ZFP69: variants seen among roughly 807,000 people sequenced by gnomAD.
The protein encoded by ZFP69 is ZFP69 zinc finger protein.
Under a neutral mutation model 48.9 loss-of-function variants are expected in ZFP69, and 35 were observed. The observed-to-expected ratio is 0.72, with a 90% CI of 0.55 to 0.95. The LOEUF (loss-of-function observed/expected upper bound fraction) is 0.95. Ranked by LOEUF, ZFP69 falls within the 40% of genes least tolerant of loss-of-function variation. ZFP69 has a pLI of 0.00. For synonymous variants in ZFP69, 193 were observed against 216.8 expected, an observed-to-expected ratio of 0.89 and a Z score of 0.96; for missense variants, 557 against 638.4, an observed-to-expected ratio of 0.87 and a Z score of 1.37.
chr1:40,483,147 G>A (rs1011660029), intron 3 of ZFP69, among the ~76,000 whole-genome samples: 26 of 150,488 alleles, frequency 1.7e-4, no homozygotes, highest in African/African-American at 4.9e-4. Context: ...ATGAAGGAAC[G>A]TTCTGAGATG....
Position 40,479,446 on chromosome 1 carries a change from G to T in ZFP69, c.85G>T (p.Ala29Ser), listed in dbSNP as rs762231690. ...ACATCCAAAGAAGGCCGTGGAGGGG[G>T]CGCCCCTGTGGGAGGATGTGACTAA... is the stretch of plus-strand genomic sequence containing the variant. ...LQHPKKAVEG[A>S]PLWEDVTKMF... is the part of the protein sequence containing the mutation. Residue 29 changes from alanine (A) to serine (S), a missense_variant, in exon 2 of 6, where the codon GCG (alanine) becomes TCG (serine). Coordinates refer to ENST00000372706, the MANE Select transcript of ZFP69 (RefSeq NM_001320179.2). 5.0e-6 allele frequency: 8 copies of T among 1,613,978 alleles called. 1 individual carries two copies. In the South Asian group the frequency reaches 7.7e-5, roughly 16 times the overall value.
At chr1:40,491,781 G>A (rs1395106223) in intron 5 of ZFP69, among the ~76,000 whole-genome samples, 1 of 151,326 alleles carries the variant, frequency 6.6e-6, no homozygotes, top group Non-Finnish European at 1.5e-5. Flanking sequence ...GTGTGTGTGT[G>A]TGTGTATATA....
intron 3 of ZFP69, among the ~76,000 whole-genome samples, chr1:40,484,608 T>C (rs1645476510): frequency 1.3e-5 from 2 of 151,378 alleles, no homozygotes; most frequent in South Asian, 4.2e-4. Flanking sequence ...TGAGACAGAG[T>C]CTTGCTCTGT....
chr1:40,480,103 G>T (rs920821082), intron 2 of ZFP69, among the ~76,000 whole-genome samples: 2 of 152,144 alleles, frequency 1.3e-5, no homozygotes, highest in Non-Finnish European at 2.9e-5. Context: ...GTGTCAGGCA[G>T]GGACTTTGGC....
chr1:40,490,157 C>T (rs999295335), intron 5 of ZFP69, among the ~76,000 whole-genome samples: 15 of 151,906 alleles, frequency 9.9e-5, no homozygotes, highest in African/African-American at 3.4e-4. Context: ...TGAGCCACTG[C>T]GCCAGGCTGG....
intron 2 of ZFP69, 94 bp from the exon 3 acceptor site, chr1:40,481,669 T>G (rs1570016241): frequency 1.1e-6 from 1 of 945,246 alleles, no homozygotes; most frequent in Non-Finnish European, 1.6e-6. Flanking sequence ...TGAACCTTTT[T>G]GGGGGAGGAG....
intron 2 of ZFP69, among the ~76,000 whole-genome samples, chr1:40,481,237 C>G (rs2124440929): frequency 7.2e-6 from 1 of 139,640 alleles, no homozygotes; most frequent in South Asian, 2.6e-4. Flanking sequence ...AATGGGGCAT[C>G]TTTAGTCTGA....
In ZFP69 at chr1:40,492,461, A is replaced by G. The variant is rs1436235336; in HGVS notation, c.443-2460A>G. On this transcript the variant is annotated intron_variant, in intron 5 of 5. Coordinates refer to ENST00000372706, the MANE Select transcript of ZFP69 (RefSeq NM_001320179.2). The stretch of plus-strand genomic sequence containing the variant: ...CGTGTTTCTCTCTTTATGTTGTTTT[A>G]TTCTTTTGTTTTTCTGTCCTTACTC... 2.0e-5 allele frequency among the ~76,000 whole-genome samples: 3 copies of G among 151,736 alleles called. No homozygotes were observed. In the East Asian group the frequency reaches 5.8e-4, roughly 29 times the overall value.
chr1:40,489,437 G>C, intron 4 of ZFP69, 92 bp from the exon 5 acceptor site: 1 of 1,252,138 alleles, frequency 8.0e-7, no homozygotes, highest in Non-Finnish European at 1.1e-6. Flanking sequence ...TCCACTTGTG[G>C]AGACCCTGAA....
In ZFP69 at chr1:40,494,255, A is replaced by ATTTTTTTTTTTT. The variant is rs1645598717; in HGVS notation, c.443-666_443-665insTTTTTTTTTTTT. 1.2e-4 allele frequency among the ~76,000 whole-genome samples: 15 copies of ATTTTTTTTTTTT among 123,868 alleles called. 1 individual carries two copies. Among genetic ancestry groups the ATTTTTTTTTTTT allele is most frequent in the African/African-American group, 2.5e-4 (8 of 31,596 alleles). 81.3% of individuals were successfully genotyped at this position (123,868 alleles called of 152,430 possible). A position where few individuals can be genotyped will look rare whatever the true frequency, so the allele number is the denominator to read the frequency against. Reference sequence around the variant, plus strand: ...ATTAGAGCAGGACTAAAAGATTCAAAATTTTTTTTTTTTTTTTTTTTTTTT... The same window carrying ATTTTTTTTTTTT: ...ATTAGAGCAGGACTAAAAGATTCAAATTTTTTTTTTTTATTTTTTTTTTTTTTTTTTTTTTTT... On this transcript the variant is annotated intron_variant, in intron 5 of 5. Coordinates refer to ENST00000372706, the MANE Select transcript of ZFP69 (RefSeq NM_001320179.2).
At chr1:40,484,031 C>T (rs902337824) in intron 3 of ZFP69, among the ~76,000 whole-genome samples, 3 of 151,914 alleles carry the variant, frequency 2.0e-5, no homozygotes, top group Non-Finnish European at 2.9e-5. Context: ...GCCGAGATTG[C>T]GCCATTGCAC....
Position 40,477,391 on chromosome 1 carries a change from G to A in ZFP69, c.-830G>A, listed in dbSNP as rs1645399181. 6.6e-6 allele frequency: 1 copy of A among 152,188 alleles called. No individual in the cohort carries two copies. Among genetic ancestry groups the A allele is most frequent in the Non-Finnish European group, 1.5e-5 (1 of 68,058 alleles). The allele number at this position is 152,188 out of a possible 1,614,324, so 9.4% of individuals were successfully genotyped here. A position where few individuals can be genotyped will look rare whatever the true frequency, so the allele number is the denominator to read the frequency against. ...GCAGCGAGAGCGGCCGGCGGTGCAA[G>A]CGGCCGGGAGGGCGCGGCCGGAGGC... On this transcript the variant is annotated 5_prime_UTR_variant, in exon 1 of 6. Transcript: ENST00000372706. This position sits in a 1 kb window ranked among gnomAD's most constrained non-coding sequence, Gnocchi z 4.0.
Position 40,496,174 on chromosome 1 carries a change from T to C in ZFP69, c.*115T>C. On this transcript the variant is annotated 3_prime_UTR_variant, in exon 6 of 6. Transcript: ENST00000372706. Reference sequence around the variant, plus strand: ...ATGTAATGATGCCAACTTTTAATTTTTCCCATTGTAAATAAACATTACATT... The same window carrying C: ...ATGTAATGATGCCAACTTTTAATTTCTCCCATTGTAAATAAACATTACATT... 1.8e-6 allele frequency: 2 copies of C among 1,120,788 alleles called. No individual in the cohort carries two copies. The highest frequency in any genetic ancestry group is 4.8e-5 in the East Asian group (2 of 41,426). The allele number at this position is 1,120,788 out of a possible 1,614,324, so 69.4% of individuals were successfully genotyped here. A position where few individuals can be genotyped will look rare whatever the true frequency, so the allele number is the denominator to read the frequency against.
At chr1:40,486,103 T>C (rs1645493680) in intron 3 of ZFP69, among the ~76,000 whole-genome samples, 1 of 152,048 alleles carries the variant, frequency 6.6e-6, no homozygotes, top group Non-Finnish European at 1.5e-5. Flanking sequence ...TTTTGTGTAT[T>C]TTTAGTAGAG....
intron 5 of ZFP69, among the ~76,000 whole-genome samples, chr1:40,492,131 A>G (rs768118274): frequency 1.3e-4 from 20 of 152,214 alleles, no homozygotes; most frequent in South Asian, 6.2e-4. Flanking sequence ...CTCACCTACT[A>G]AAGAGGCTGA....
intron 3 of ZFP69, among the ~76,000 whole-genome samples, chr1:40,484,754 T>G (rs1039626827): frequency 1.1e-4 from 16 of 151,814 alleles, no homozygotes; most frequent in African/African-American, 3.6e-4. Context: ...ATTTTTTTTT[T>G]GTATTTTTAG....
rs1236828553 is a variant in ZFP69 at position 40,492,584 on chromosome 1, T to C, written c.443-2337T>C. Among the ~76,000 whole-genome samples the C allele has an allele frequency of 2.6e-5, 4 of 152,192 alleles. No homozygotes were observed. In the East Asian group the frequency reaches 7.7e-4, roughly 29 times the overall value. The stretch of plus-strand genomic sequence containing the variant: ...TGTTCTTTAAAGTTGTTCTGGTTAT[T>C]CTTGGATCCTTGTTGTTCTATTTGA... On this transcript the variant is annotated intron_variant, in intron 5 of 5. Coordinates refer to ENST00000372706, the MANE Select transcript of ZFP69 (RefSeq NM_001320179.2).
chr1:40,490,512 G>A (rs1365780592), intron 5 of ZFP69, among the ~76,000 whole-genome samples: 1 of 152,086 alleles, frequency 6.6e-6, no homozygotes, highest in Non-Finnish European at 1.5e-5. Context: ...CCCTGGAGTT[G>A]GAGGAAAGAG....
chr1:40,487,481 A>G (rs1421174966), intron 3 of ZFP69, among the ~76,000 whole-genome samples: 1 of 152,202 alleles, frequency 6.6e-6, no homozygotes, highest in Non-Finnish European at 1.5e-5. Flanking sequence ...ATAAAAAGTT[A>G]AAAATTTTCA....
Sources: allele counts gnomAD v4.1 joint callset (sites outside exome capture counted in the v4.1 genomes callset), GRCh38; gene constraint gnomAD v4.1.1; non-coding constraint Gnocchi (gnomAD v3.1); transcripts MANE v1.5; gene names NCBI Gene and HGNC (gene_info 2026-07-23, HGNC 2026-07-21).